Variants in TNIK observed in about 807,000 individuals in gnomAD.
TNIK encodes TRAF2 and NCK-interacting protein kinase.
TNIK carries 49 observed loss-of-function variants against 191.3 expected under a neutral mutation model. The observed-to-expected ratio is 0.26, with a 90% CI of 0.20 to 0.32. TNIK has a LOEUF of 0.32. Among genes scored for constraint, TNIK ranks in the 10% least tolerant of loss-of-function variants. The probability of loss-of-function intolerance (pLI) is 1.00; values close to 1 mark genes in which losing one functional copy is unlikely to be tolerated. For missense variants in TNIK, 1,155 were observed against 1,702.3 expected, an observed-to-expected ratio of 0.68 and a Z score of 5.66; for synonymous variants, 594 against 600.9, an observed-to-expected ratio of 0.99 and a Z score of 0.17.
At chr3:171,129,192 G>T (rs117985190) in intron 15 of TNIK, among the ~76,000 whole-genome samples, 19 of 152,106 alleles carry the variant, frequency 1.2e-4, no homozygotes, top group African/African-American at 4.6e-4. Flanking sequence ...CTGATTGGTC[G>T]CAATGCCATG....
At chr3:171,424,091 A>G (rs1724208561) in intron 1 of TNIK, among the ~76,000 whole-genome samples, 1 of 152,220 alleles carries the variant, frequency 6.6e-6, no homozygotes, top group African/African-American at 2.4e-5. Flanking sequence ...TCATCTGACA[A>G]AGGGCTAATA....
intron 11 of TNIK, 115 bp from the exon 12 acceptor site, chr3:171,157,779 G>T: frequency 1.9e-6 from 2 of 1,068,164 alleles, no homozygotes. Context: ...GGAAAGAAGA[G>T]CACAGGCTCC....
At chr3:171,142,180 G>A (rs1730930268) in intron 12 of TNIK, among the ~76,000 whole-genome samples, 1 of 152,232 alleles carries the variant, frequency 6.6e-6, no homozygotes, top group African/African-American at 2.4e-5. Context: ...TGCAGGCGAA[G>A]GAGAGCTATT....
rs924358093 is a variant in TNIK, at chr3:171,060,180, A to AGT, written c.*3699_*3700dup. 3.3e-5 allele frequency among the ~76,000 whole-genome samples: 5 copies of AGT among 152,150 alleles called. No individual in the cohort carries two copies. The highest frequency in any genetic ancestry group is 1.2e-4 in the African/African-American group (5 of 41,452). ...TACAGTGACGGGAACTGGTACACATAGTAGTAGGGAAAGCATTTTTTTAAA... is the reference window on the plus strand; with the variant it reads ...TACAGTGACGGGAACTGGTACACATAGTGTAGTAGGGAAAGCATTTTTTTAAA... On this transcript the variant is annotated 3_prime_UTR_variant, in exon 33 of 33. Transcript: ENST00000436636.
At position 171,061,020 on chromosome 3, in the gene TNIK, T is replaced by C. The variant is rs1717769517; in HGVS notation, c.*2861A>G. Among the ~76,000 whole-genome samples, 1 of 151,942 alleles carries C rather than the reference T, an allele frequency of 6.6e-6. No individual in the cohort carries two copies. The highest frequency in any genetic ancestry group is 2.4e-5 in the African/African-American group (1 of 41,342). ...CCTATAAAAAGATCAGAACTGAAGATTTTTTTTGTTGAGATGCTATAAAAA... is the reference window on the plus strand; with the variant it reads ...CCTATAAAAAGATCAGAACTGAAGACTTTTTTTGTTGAGATGCTATAAAAA... On this transcript the variant is annotated 3_prime_UTR_variant, in exon 33 of 33. Coordinates refer to ENST00000436636, the MANE Select transcript of TNIK (RefSeq NM_015028.4).
At chr3:171,308,077 A>G (rs1016898681) in intron 2 of TNIK, among the ~76,000 whole-genome samples, 1 of 152,122 alleles carries the variant, frequency 6.6e-6, no homozygotes, top group Admixed American at 6.6e-5. Flanking sequence ...AAAAACTATT[A>G]TAAAATTCAT....
intron 3 of TNIK, among the ~76,000 whole-genome samples, chr3:171,212,265 C>T (rs1740928553): frequency 6.6e-6 from 1 of 151,874 alleles, no homozygotes; most frequent in South Asian, 2.1e-4. Context: ...GTCTTCTTTC[C>T]CCCACCTCTT....
chr3:171,338,797 C>T (rs1307388688), intron 2 of TNIK, among the ~76,000 whole-genome samples: 1 of 152,054 alleles, frequency 6.6e-6, no homozygotes, highest in African/African-American at 2.4e-5. Context: ...ACCACCATGC[C>T]CGGCCCTAAG....
chr3:171,410,555 G>A lies in TNIK; in HGVS notation c.58-40870C>T, dbSNP rs574337140. On this transcript the variant is annotated intron_variant, in intron 1 of 32. Transcript: ENST00000436636. ...AGCACTTTGGGAGGCGGAGGCGGGC[G>A]GATCACAAGGTCAGGAGATCGAGAC... Among the ~76,000 whole-genome samples the A allele has an allele frequency of 2.9e-3, 437 of 152,132 alleles. 1 individual carries two copies. Among genetic ancestry groups the A allele is most frequent in the African/African-American group, 6.6e-3 (273 of 41,500 alleles).
chr3:171,417,737 C>G (rs546094337), intron 1 of TNIK, among the ~76,000 whole-genome samples: 22 of 152,236 alleles, frequency 1.4e-4, no homozygotes, highest in Admixed American at 5.9e-4. Context: ...TACTAGCACC[C>G]TTTTGTGACA....
intron 1 of TNIK, among the ~76,000 whole-genome samples, chr3:171,396,634 T>G (rs1475835273): frequency 6.6e-6 from 1 of 152,194 alleles, no homozygotes; most frequent in East Asian, 1.9e-4. Context: ...TCAATGCCAG[T>G]GAAAACTCTT....
chr3:171,283,972 A>T (rs1750747983), intron 2 of TNIK, among the ~76,000 whole-genome samples: 1 of 152,208 alleles, frequency 6.6e-6, no homozygotes, highest in Admixed American at 6.5e-5. Flanking sequence ...ATTGGCAAAG[A>T]CAATGGGATC....
chr3:171,156,988 C>T (rs963818157), intron 12 of TNIK, among the ~76,000 whole-genome samples: 1 of 152,192 alleles, frequency 6.6e-6, no homozygotes, highest in Non-Finnish European at 1.5e-5. Context: ...TTATGAGGCA[C>T]CTACGACATG....
intron 1 of TNIK, among the ~76,000 whole-genome samples, chr3:171,429,290 T>G (rs894950498): frequency 6.6e-6 from 1 of 152,200 alleles, no homozygotes; most frequent in Non-Finnish European, 1.5e-5. Context: ...AGAGTCTCCC[T>G]CTGCCCTCTA....
At chr3:171,198,614 T>G (rs889480230) in intron 4 of TNIK, among the ~76,000 whole-genome samples, 5 of 152,160 alleles carry the variant, frequency 3.3e-5, no homozygotes, top group African/African-American at 4.8e-5. Context: ...AGGGGCAACA[T>G]AGATGGACAT....
At chr3:171,071,879 A>G (rs1243952339) in intron 28 of TNIK, among the ~76,000 whole-genome samples, 1 of 152,182 alleles carries the variant, frequency 6.6e-6, no homozygotes, top group East Asian at 1.9e-4. Flanking sequence ...ACGAATACTG[A>G]CAAATCCTTT....
chr3:171,365,004 C>T (rs1335320222), intron 2 of TNIK, among the ~76,000 whole-genome samples: 2 of 151,678 alleles, frequency 1.3e-5, no homozygotes, highest in African/African-American at 4.8e-5. Flanking sequence ...CAGAATAGTT[C>T]GTGGGGATAA....
chr3:171,319,993 C>G (rs1324086311), intron 2 of TNIK, among the ~76,000 whole-genome samples: 5 of 152,046 alleles, frequency 3.3e-5, no homozygotes, highest in Non-Finnish European at 7.4e-5. Context: ...AGGATGACCC[C>G]GAAAGCGTAG....
At chr3:171,122,652 T>C (rs1431675878) in intron 18 of TNIK, among the ~76,000 whole-genome samples, 5 of 152,224 alleles carry the variant, frequency 3.3e-5, no homozygotes, top group African/African-American at 4.8e-5. Context: ...TTTAAAGATA[T>C]GTGCATGTAA....
Sources: allele counts gnomAD v4.1 joint callset (sites outside exome capture counted in the v4.1 genomes callset), GRCh38; gene constraint gnomAD v4.1.1; transcripts MANE v1.5; gene names NCBI Gene and HGNC (gene_info 2026-07-23, HGNC 2026-07-21).